The following KLHL8 variants were observed in gnomAD, a reference collection of about 807,000 sequenced individuals.
KLHL8 encodes the protein kelch-like protein 8.
KLHL8 carries 38 observed loss-of-function variants against 63.5 expected under a neutral mutation model. The ratio of observed to expected loss-of-function variants is 0.60; its 90% CI spans 0.46 to 0.78. KLHL8 has a LOEUF of 0.78. Among genes scored for constraint, KLHL8 ranks in the 30% least tolerant of loss-of-function variants. KLHL8 has a pLI of 0.00. For missense variants in KLHL8, 566 were observed against 752.4 expected (o/e 0.75, Z 2.90); for synonymous variants, 224 against 254.3 (o/e 0.88, Z 1.13).
At chr4:87,187,571 CTT>C (rs1233679826) in intron 2 of KLHL8, among the ~76,000 whole-genome samples, 1 of 151,816 alleles carries the variant, frequency 6.6e-6, no homozygotes, top group Non-Finnish European at 1.5e-5. Context: ...ATTTTATTCT[CTT>C]ATATAAAAAC....
rs375529403 is a variant in KLHL8, at chr4:87,168,957, TA to T, written c.1537+1121del. On this transcript the variant is annotated intron_variant, in intron 8 of 9. Coordinates refer to ENST00000273963, the MANE Select transcript of KLHL8 (RefSeq NM_020803.5). ...ATGGGGTTTGGTAATAAAAGATTGTTAAAGTAAAAAAAAAAAAAAAAGCAAT... is the reference window on the plus strand; with the variant it reads ...ATGGGGTTTGGTAATAAAAGATTGTTAAGTAAAAAAAAAAAAAAAAGCAAT... Among the ~76,000 whole-genome samples the T allele has an allele frequency of 2.6e-3, 345 of 135,156 alleles. 1 individual carries two copies. Among genetic ancestry groups the T allele is most frequent in the African/African-American group, 8.5e-3 (330 of 38,664 alleles). The allele number at this position is 135,156 out of a possible 152,430, so 88.7% of individuals were successfully genotyped here. A position where few individuals can be genotyped will look rare whatever the true frequency, so the allele number is the denominator to read the frequency against.
intron 1 of KLHL8, among the ~76,000 whole-genome samples, chr4:87,200,397 T>C (rs1327530281): frequency 6.6e-6 from 1 of 152,200 alleles, no homozygotes; most frequent in African/African-American, 2.4e-5. Flanking sequence ...AGATTACTTA[T>C]GATACCTAAG....
Position 87,185,309 on chromosome 4 carries a change from T to C in KLHL8, c.707A>G (p.Lys236Arg), listed in dbSNP as rs992761361. ...NEKQVYNAAI[K>R]WLLANPQHHS... ...ATGCTGAGGATTGGCAAGAAGCCAC[T>C]TGATGGCAGCATTATAGACCTGCTT... is the stretch of plus-strand genomic sequence containing the variant. Residue 236 changes from lysine to arginine, a missense_variant, in exon 3 of 10, where the codon AAG (lysine) becomes AGG (arginine). Transcript: ENST00000273963. 1.2e-6 allele frequency: 2 copies of C among 1,614,200 alleles called. No homozygotes were observed. The highest frequency in any genetic ancestry group is 1.7e-6 in the Non-Finnish European group (2 of 1,180,022).
intron 6 of KLHL8, among the ~76,000 whole-genome samples, 186 bp downstream of exon 6, chr4:87,176,571 G>T (rs1410563700): frequency 6.6e-6 from 1 of 151,980 alleles, no homozygotes; most frequent in Non-Finnish European, 1.5e-5. Context: ...AAACATGACT[G>T]CATTTTTAAT....
intron 1 of KLHL8, among the ~76,000 whole-genome samples, chr4:87,199,095 A>G (rs1426633217): frequency 2.6e-5 from 4 of 152,206 alleles, no homozygotes; most frequent in Non-Finnish European, 5.9e-5. Context: ...GCGTACAAGA[A>G]AAAAACCTAC....
intron 8 of KLHL8, chr4:87,167,022 T>C (rs1014383619): frequency 2.7e-5 from 6 of 220,340 alleles, no homozygotes; most frequent in Non-Finnish European, 4.5e-5. Flanking sequence ...AGTTGGTCAG[T>C]ATCCAGAGCA....
At chr4:87,182,145 C>T (rs912673195) in intron 4 of KLHL8, among the ~76,000 whole-genome samples, 2 of 145,204 alleles carry the variant, frequency 1.4e-5, no homozygotes, top group Non-Finnish European at 3.0e-5. Flanking sequence ...AGAAGAATGG[C>T]GTGAACCTGG....
intron 1 of KLHL8, among the ~76,000 whole-genome samples, chr4:87,211,772 T>C (rs1301810133): frequency 6.6e-6 from 1 of 152,100 alleles, no homozygotes; most frequent in Non-Finnish European, 1.5e-5. Context: ...GTGCTGAAAT[T>C]CAACACTGAT....
chr4:87,192,622 T>C (rs2110008786), intron 2 of KLHL8, among the ~76,000 whole-genome samples: 1 of 152,296 alleles, frequency 6.6e-6, no homozygotes, highest in East Asian at 1.9e-4. Flanking sequence ...TAGTAAGCAG[T>C]TCTAATACAG....
rs575103066 is a variant in KLHL8 at position 87,200,651 on chromosome 4, A to T, written c.-151-4961T>A. Among the ~76,000 whole-genome samples, 605 of 152,260 alleles carry T rather than the reference A, an allele frequency of 4.0e-3. 4 individuals are homozygous for T. The highest frequency in any genetic ancestry group is 6.8e-3 in the Non-Finnish European group (463 of 67,998). On this transcript the variant is annotated intron_variant, in intron 1 of 9. Transcript: ENST00000273963. ...GGGAAAGAAAGAAGTGTTGGCAAGG[A>T]CTTAGAGAAACTGGAAACCCTTTCC...
At chr4:87,216,811 A>G (rs1732613180) in intron 1 of KLHL8, among the ~76,000 whole-genome samples, 1 of 152,248 alleles carries the variant, frequency 6.6e-6, no homozygotes, top group Admixed American at 6.5e-5. Context: ...TACTGGCAGC[A>G]TTTTAAAATA....
chr4:87,222,456 T>C (rs974063099), upstream of KLHL8, among the ~76,000 whole-genome samples: 2 of 152,256 alleles, frequency 1.3e-5, no homozygotes, highest in African/African-American at 4.8e-5. Flanking sequence ...ATTTTGTATG[T>C]CTTTTTTCCT....
At chr4:87,211,080 G>A (rs1466156336) in intron 1 of KLHL8, among the ~76,000 whole-genome samples, 1 of 152,052 alleles carries the variant, frequency 6.6e-6, no homozygotes, top group African/African-American at 2.4e-5. Flanking sequence ...TTACTCCCAT[G>A]TTCAGTAAAC....
chr4:87,168,865 C>T (rs1030510184), intron 8 of KLHL8, among the ~76,000 whole-genome samples: 12 of 149,050 alleles, frequency 8.1e-5, no homozygotes, highest in Non-Finnish European at 1.5e-4. Flanking sequence ...TGGGTCTGTA[C>T]CTTCATCCTT....
intron 8 of KLHL8, among the ~76,000 whole-genome samples, chr4:87,169,698 C>A (rs997515732): frequency 2.6e-5 from 4 of 151,878 alleles, no homozygotes; most frequent in African/African-American, 4.8e-5. Context: ...CCCATCTCTA[C>A]AAAAAACAGA....
At chr4:87,201,522 T>C (rs111873847) in intron 1 of KLHL8, among the ~76,000 whole-genome samples, 2 of 152,304 alleles carry the variant, frequency 1.3e-5, no homozygotes, top group Admixed American at 6.5e-5. Context: ...GAACACATCA[T>C]TAACCAACTG....
chr4:87,192,076 G>A (rs1387779819), intron 2 of KLHL8, among the ~76,000 whole-genome samples: 1 of 152,122 alleles, frequency 6.6e-6, no homozygotes, highest in African/African-American at 2.4e-5. Flanking sequence ...ATGAACATGC[G>A]GGTATATGTG....
At chr4:87,234,058 A>T (rs189322621) in intron 1 of KLHL8, among the ~76,000 whole-genome samples, 211 of 152,332 alleles carry the variant, frequency 1.4e-3, no homozygotes, top group Non-Finnish European at 2.6e-3. Context: ...CATACTGTAG[A>T]TGTAGAGATA....
chr4:87,185,040 T>A (rs1731197334), intron 3 of KLHL8, among the ~76,000 whole-genome samples: 1 of 152,206 alleles, frequency 6.6e-6, no homozygotes, highest in African/African-American at 2.4e-5. Flanking sequence ...AGAATGATAT[T>A]GCTAATTCAA....
Sources: gnomAD v4.1 joint callset for allele counts (sites outside exome capture counted in the v4.1 genomes callset) on GRCh38, gnomAD v4.1.1 for gene constraint, MANE v1.5 for transcripts, NCBI Gene and HGNC (gene_info 2026-07-23, HGNC 2026-07-21) for gene names.